TMEM123: variants seen among roughly 807,000 people sequenced by gnomAD.
TMEM123 encodes the protein porimin.
TMEM123 carries 16 observed loss-of-function variants against 19.7 expected under a neutral mutation model. That is an observed-to-expected ratio of 0.81 (90% CI 0.55 to 1.23). The LOEUF is 1.23. TMEM123 is among the 50% of genes most tolerant of loss of function. The pLI is 0.00. For missense variants in TMEM123, 313 were observed against 257.8 expected (o/e 1.21, Z -1.47); for synonymous variants, 118 against 99.4 (o/e 1.19, Z -1.12).
intron 2 of TMEM123, among the ~76,000 whole-genome samples, chr11:102,413,367 T>C (rs953086195): frequency 6.6e-6 from 1 of 152,158 alleles, no homozygotes; most frequent in Admixed American, 6.5e-5. Context: ...TAATTAAAAG[T>C]GCATGCACCA....
At chr11:102,399,429 A>G (rs1951890370) in intron 4 of TMEM123, among the ~76,000 whole-genome samples, 1 of 152,162 alleles carries the variant, frequency 6.6e-6, no homozygotes, top group Non-Finnish European at 1.5e-5. Flanking sequence ...TGGGTGACAG[A>G]GCCACTGCAA....
At chr11:102,449,673 A>G (rs1167360080) in intron 1 of TMEM123, among the ~76,000 whole-genome samples, 1 of 152,230 alleles carries the variant, frequency 6.6e-6, no homozygotes, top group Non-Finnish European at 1.5e-5. Flanking sequence ...TCTATTTATC[A>G]CAAAAGGATA....
intron 2 of TMEM123, among the ~76,000 whole-genome samples, chr11:102,437,457 C>CA (rs370797533): frequency 0.025 from 3,534 of 141,492 alleles, 107 homozygotes; most frequent in African/African-American, 0.058. Context: ...GACTCTATCT[C>CA]AAAAAAAAAA....
At chr11:102,417,229 G>C (rs1024778710) in intron 2 of TMEM123, among the ~76,000 whole-genome samples, 20 of 152,146 alleles carry the variant, frequency 1.3e-4, no homozygotes, top group African/African-American at 4.8e-4. Context: ...TGCAGATGAT[G>C]ATTCTCTAAC....
At chr11:102,411,989 C>G (rs1184069192) in intron 2 of TMEM123, among the ~76,000 whole-genome samples, 4 of 152,218 alleles carry the variant, frequency 2.6e-5, no homozygotes, top group African/African-American at 9.7e-5. Flanking sequence ...CTATCTACCA[C>G]CTATCCCCTA....
intron 2 of TMEM123, among the ~76,000 whole-genome samples, chr11:102,440,938 A>C (rs1591566602): frequency 6.6e-6 from 1 of 152,230 alleles, no homozygotes; most frequent in African/African-American, 2.4e-5. Flanking sequence ...AGATCAAAAG[A>C]GACAAAGAAG....
At chr11:102,408,767 C>T (rs1951977534) in intron 2 of TMEM123, among the ~76,000 whole-genome samples, 1 of 152,162 alleles carries the variant, frequency 6.6e-6, no homozygotes, top group Non-Finnish European at 1.5e-5. Context: ...CGAGTAACAT[C>T]TTATGGAAGA....
intron 4 of TMEM123, 141 bp from the exon 5 acceptor site, chr11:102,399,032 T>G: frequency 1.4e-6 from 1 of 719,382 alleles, no homozygotes; most frequent in Non-Finnish European, 2.3e-6. Flanking sequence ...TAAAGTTCCT[T>G]AAGTATCCAA....
intron 2 of TMEM123, among the ~76,000 whole-genome samples, chr11:102,402,624 G>A (rs1951923954): frequency 6.6e-6 from 1 of 152,194 alleles, no homozygotes; most frequent in Non-Finnish European, 1.5e-5. Context: ...CCAGTTCTCT[G>A]CTATACCTTC....
chr11:102,411,332 G>C (rs912605883), intron 2 of TMEM123, among the ~76,000 whole-genome samples: 1 of 152,098 alleles, frequency 6.6e-6, no homozygotes, highest in African/African-American at 2.4e-5. Context: ...GAAGCTCTGC[G>C]CACCATTCCT....
chr11:102,417,942 AAGC>A (rs1165203915), intron 2 of TMEM123, among the ~76,000 whole-genome samples: 1 of 152,130 alleles, frequency 6.6e-6, no homozygotes, highest in Non-Finnish European at 1.5e-5. Flanking sequence ...GGCTAGCCAT[AAGC>A]AGGAGATTGA....
chr11:102,452,651 C>G lies in TMEM123; in HGVS notation c.-28G>C. The G allele has an allele frequency of 5.5e-6, 8 of 1,450,444 alleles. No individual in the cohort carries two copies. Among genetic ancestry groups the G allele is most frequent in the South Asian group, 1.4e-5 (1 of 74,022 alleles). The allele number at this position is 1,450,444 out of a possible 1,614,324, so 89.8% of individuals were successfully genotyped here. The stretch of plus-strand genomic sequence containing the variant: ...TTCCGAGGGCAGGATGCGGCAGCCT[C>G]GTGGGCTCCCAGCCGAGGTGGCGGC... On this transcript the variant is annotated 5_prime_UTR_variant, in exon 1 of 5. Coordinates refer to ENST00000398136, the MANE Select transcript of TMEM123 (RefSeq NM_052932.3).
Position 102,398,698 on chromosome 11 carries a change from C to G in TMEM123, c.*169G>C. On this transcript the variant is annotated 3_prime_UTR_variant, in exon 5 of 5. Coordinates refer to ENST00000398136, the MANE Select transcript of TMEM123 (RefSeq NM_052932.3). The stretch of plus-strand genomic sequence containing the variant: ...AGATGTTTATTTCAAAACCCAAACC[C>G]TTGTTACCTTGAAGAATCTTTACAT... 1 of 678,816 alleles carries G rather than the reference C, an allele frequency of 1.5e-6. No homozygotes were observed. Among genetic ancestry groups the G allele is most frequent in the Non-Finnish European group, 2.4e-6 (1 of 417,598 alleles). 42.0% of individuals were successfully genotyped at this position (678,816 alleles called of 1,614,324 possible). A position where few individuals can be genotyped will look rare whatever the true frequency, so the allele number is the denominator to read the frequency against.
rs1565344823 is a variant in TMEM123 at position 102,396,338 on chromosome 11, A to G, written c.*2529T>C. 1 of 152,216 alleles carries G rather than the reference A, an allele frequency of 6.6e-6. No individual in the cohort carries two copies. Among genetic ancestry groups the G allele is most frequent in the African/African-American group, 2.4e-5 (1 of 41,448 alleles). 9.4% of individuals were successfully genotyped at this position (152,216 alleles called of 1,614,324 possible). ...AAAATCACACACTTAAAACTTTTAG[A>G]AGGAGAACAATTTTATTCTAAAAAT... On this transcript the variant is annotated 3_prime_UTR_variant, in exon 5 of 5. Transcript: ENST00000398136.
At chr11:102,446,716 A>C (rs1382821208) in intron 2 of TMEM123, among the ~76,000 whole-genome samples, 1 of 152,212 alleles carries the variant, frequency 6.6e-6, no homozygotes, top group Non-Finnish European at 1.5e-5. Context: ...AAAACAAGAG[A>C]AAAAAAGATT....
intron 1 of TMEM123, among the ~76,000 whole-genome samples, chr11:102,450,291 T>A (rs1298265752): frequency 1.3e-5 from 2 of 152,220 alleles, no homozygotes; most frequent in African/African-American, 4.8e-5. Flanking sequence ...GCCACCTCAA[T>A]CCTTGCACTT....
chr11:102,427,501 T>G (rs1322156021), intron 2 of TMEM123, among the ~76,000 whole-genome samples: 1 of 138,470 alleles, frequency 7.2e-6, no homozygotes, highest in African/African-American at 2.7e-5. Flanking sequence ...CAGGCTGGAG[T>G]GCAGTGGCAC....
Position 102,452,682 on chromosome 11 carries a change from G to C in TMEM123, c.-59C>G, listed in dbSNP as rs1857957935. 5 of 1,323,938 alleles carry C rather than the reference G, an allele frequency of 3.8e-6. No individual in the cohort carries two copies. The highest frequency in any genetic ancestry group is 4.9e-6 in the Non-Finnish European group (5 of 1,012,650). 82.0% of individuals were successfully genotyped at this position (1,323,938 alleles called of 1,614,324 possible). ...CTCCCAGCCGAGGTGGCGGCGGCGA[G>C]AGCGGCTCCTCTGCGCAGCCGGCGC... On this transcript the variant is annotated 5_prime_UTR_variant, in exon 1 of 5. Transcript: ENST00000398136.
chr11:102,400,136 ATTTACT>A (rs1951898874), intron 4 of TMEM123, among the ~76,000 whole-genome samples: 1 of 152,194 alleles, frequency 6.6e-6, no homozygotes, highest in African/African-American at 2.4e-5. Context: ...AAGAAGTTTG[ATTTACT>A]TTTATGTGTA....
Sources: allele counts gnomAD v4.1 joint callset (sites outside exome capture counted in the v4.1 genomes callset), GRCh38; gene constraint gnomAD v4.1.1; transcripts MANE v1.5; gene names NCBI Gene and HGNC (gene_info 2026-07-23, HGNC 2026-07-21).